Variants in TTBK1 observed in about 807,000 individuals in gnomAD.
TTBK1 encodes the protein tau tubulin kinase 1, also known as tau-tubulin kinase 1.
Under a neutral mutation model 108.5 loss-of-function variants are expected in TTBK1, and 34 were observed. The ratio of observed to expected loss-of-function variants is 0.31; its 90% CI spans 0.24 to 0.42. TTBK1 has a LOEUF of 0.42. TTBK1 is among the 10% of genes least tolerant of loss of function. TTBK1 has a pLI of 1.00. For synonymous variants in TTBK1, 809 were observed against 795.1 expected (o/e 1.02, Z -0.29); for missense variants, 1,539 against 1,826.0 (o/e 0.84, Z 2.86).
intron 13 of TTBK1, among the ~76,000 whole-genome samples, chr6:43,280,399 G>C (rs1278656889): frequency 6.6e-6 from 1 of 152,222 alleles, no homozygotes; most frequent in Non-Finnish European, 1.5e-5. Flanking sequence ...GTGGGAGGTA[G>C]GGGTGGGAGA....
At chr6:43,272,131 T>C in intron 13 of TTBK1, 2 of 985,420 alleles carry the variant, frequency 2.0e-6, no homozygotes, top group Non-Finnish European at 2.4e-6. Flanking sequence ...CCCCAGGTAG[T>C]GGCAGGAGGT....
chr6:43,284,239 C>T lies in TTBK1; in HGVS notation c.3499C>T (p.Pro1167Ser). 6.3e-7 allele frequency: 1 copy of T among 1,596,524 alleles called. No individual in the cohort carries two copies. Among genetic ancestry groups the T allele is most frequent in the Non-Finnish European group, 8.5e-7 (1 of 1,178,418 alleles). ...CCCCATTGGCCTCCGCATGCCCATG[C>T]CTGTTGCAGCCCAGCAGCCCGCCAG... The part of the protein sequence containing the change: ...PRPIGLRMPM[P>S]VAAQQPASRS... The change falls in exon 14 of 15, where the codon CCT (proline) becomes TCT (serine). Residue 1167 changes from proline to serine, a missense_variant. Pro to Ser is a moderately conservative substitution (Grantham distance 74). Coordinates refer to ENST00000259750, the MANE Select transcript of TTBK1 (RefSeq NM_032538.3).
chr6:43,266,907 C>T (rs1004430296), intron 13 of TTBK1, among the ~76,000 whole-genome samples: 4 of 152,158 alleles, frequency 2.6e-5, no homozygotes, highest in Admixed American at 2.0e-4. Flanking sequence ...TGAGCCATCG[C>T]GCCCAGCCTG....
At position 43,283,783 on chromosome 6, in the gene TTBK1, C is replaced by T. The variant is rs374780204; in HGVS notation, c.3043C>T (p.Pro1015Ser). The change falls in exon 14 of 15, where the codon CCC becomes TCC. Residue 1015 changes from proline (P) to serine (S), a missense_variant. Physicochemically the swap from Pro to Ser is moderately conservative, Grantham distance 74. This residue lies in a region of TTBK1 where 1,055 missense variants were observed against 1,086.5 expected (regional missense o/e 0.97). Coordinates refer to ENST00000259750, the MANE Select transcript of TTBK1 (RefSeq NM_032538.3). This position sits in a 1 kb window ranked among gnomAD's most constrained non-coding sequence, Gnocchi z 8.1. ...CTCAGAGATGGCCACAAACTCACTGCCCAATGGCCCGGCCCTTGCAGACGG... is the reference window on the plus strand; with the variant it reads ...CTCAGAGATGGCCACAAACTCACTGTCCAATGGCCCGGCCCTTGCAGACGG... ...TPSEMATNSL[P>S]NGPALADGPA... 6.2e-7 allele frequency: 1 copy of T among 1,613,604 alleles called. No individual in the cohort carries two copies. The highest frequency in any genetic ancestry group is 1.3e-5 in the African/African-American group (1 of 74,920).
chr6:43,252,915 G>A (rs367991580), intron 3 of TTBK1, 29 bp downstream of exon 3: 3 of 1,611,020 alleles, frequency 1.9e-6, no homozygotes, highest in African/African-American at 2.7e-5. Flanking sequence ...GGGATGGGAA[G>A]GAAGAGATGA....
At position 43,253,569 on chromosome 6, in the gene TTBK1, G is replaced by A; in HGVS notation, c.332G>A (p.Gly111Asp). The A allele has an allele frequency of 1.2e-5, 19 of 1,606,938 alleles. No individual in the cohort carries two copies. Among genetic ancestry groups the A allele is most frequent in the Non-Finnish European group, 1.6e-5 (19 of 1,176,938 alleles). ...CCCCCCACCTCCACCCCCATGCAGG[G>A]CCGGAACCTGGCCGACCTGCGCCGT... is the stretch of plus-strand genomic sequence containing the variant. The part of the protein sequence containing the change: ...KFNYVVMQLQ[G>D]RNLADLRRSQ... The change falls in exon 5 of 15, where the codon GGC becomes GAC. Residue 111 changes from glycine to aspartate, a missense_variant and splice_region_variant. Physicochemically the swap from Gly to Asp is moderately conservative, Grantham distance 94. Transcript: ENST00000259750. This position sits in a 1 kb window ranked among gnomAD's most constrained non-coding sequence, Gnocchi z 5.8.
chr6:43,281,172 G>A (rs1420974350), intron 13 of TTBK1, among the ~76,000 whole-genome samples: 1 of 152,008 alleles, frequency 6.6e-6, no homozygotes, highest in Non-Finnish European at 1.5e-5. Context: ...TCAGGAGTTT[G>A]AGACCAGCCT....
intron 13 of TTBK1, among the ~76,000 whole-genome samples, chr6:43,268,995 C>T (rs897062614): frequency 7.3e-5 from 11 of 151,392 alleles, no homozygotes; most frequent in African/African-American, 2.7e-4. Flanking sequence ...CATTATGACC[C>T]CCATTTTACA....
chr6:43,274,806 C>T (rs1777920504), intron 13 of TTBK1, among the ~76,000 whole-genome samples: 1 of 152,138 alleles, frequency 6.6e-6, no homozygotes, highest in Admixed American at 6.5e-5. Flanking sequence ...CCTCTGGTTC[C>T]CCACACACCA....
chr6:43,248,505 T>C (rs1227719890), intron 2 of TTBK1, among the ~76,000 whole-genome samples: 1 of 152,120 alleles, frequency 6.6e-6, no homozygotes, highest in Non-Finnish European at 1.5e-5. Flanking sequence ...GGAGGATCAC[T>C]TGGGGTCACG....
At chr6:43,249,634 T>C (rs1303594179) in intron 2 of TTBK1, among the ~76,000 whole-genome samples, 1 of 152,072 alleles carries the variant, frequency 6.6e-6, no homozygotes, top group Non-Finnish European at 1.5e-5. Context: ...TCGAGTGCAG[T>C]GATGAGATCT....
At chr6:43,252,934 G>C (rs768945918) in intron 3 of TTBK1, 48 bp downstream of exon 3, 1 of 1,601,584 alleles carries the variant, frequency 6.2e-7, no homozygotes, top group South Asian at 1.1e-5. Context: ...GATGAAGCCA[G>C]GGGCTAAGAG....
chr6:43,258,431 G>T (rs1777434947), intron 10 of TTBK1, among the ~76,000 whole-genome samples: 1 of 152,078 alleles, frequency 6.6e-6, no homozygotes, highest in African/African-American at 2.4e-5. Flanking sequence ...GTTAGAAGGG[G>T]CTCTCCACCC....
rs184666748 is a variant in TTBK1 at position 43,255,974 on chromosome 6, C to G, written c.861+118C>G. The G allele has an allele frequency of 1.7e-5, 22 of 1,311,478 alleles. No homozygotes were observed. In the East Asian group the frequency reaches 4.4e-4, roughly 26 times the overall value. 81.2% of individuals were successfully genotyped at this position (1,311,478 alleles called of 1,614,324 possible). A position where few individuals can be genotyped will look rare whatever the true frequency, so the allele number is the denominator to read the frequency against. On this transcript the variant is annotated intron_variant, in intron 9 of 14. Coordinates refer to ENST00000259750, the MANE Select transcript of TTBK1 (RefSeq NM_032538.3). Reference sequence around the variant, plus strand: ...CCTGCCTTGTCCCCAAGCCTCTCCCCTTGGTCTTCTAACTGCACTAAAGGC... The same window carrying G: ...CCTGCCTTGTCCCCAAGCCTCTCCCGTTGGTCTTCTAACTGCACTAAAGGC...
rs1777370726 is a variant in TTBK1 at position 43,255,980 on chromosome 6, C to G, written c.861+124C>G. On this transcript the variant is annotated intron_variant, in intron 9 of 14. Transcript: ENST00000259750. ...TTGTCCCCAAGCCTCTCCCCTTGGT[C>G]TTCTAACTGCACTAAAGGCATGTAT... 3 of 1,198,724 alleles carry G rather than the reference C, an allele frequency of 2.5e-6. No homozygotes were observed. In the African/African-American group the frequency reaches 4.5e-5, roughly 18 times the overall value. 74.3% of individuals were successfully genotyped at this position (1,198,724 alleles called of 1,614,324 possible). A position where few individuals can be genotyped will look rare whatever the true frequency, so the allele number is the denominator to read the frequency against.
At position 43,287,629 on chromosome 6, in the gene TTBK1, C is replaced by T. The variant is rs1471220153; in HGVS notation, c.*2253C>T. ...GAGAGGTGGGGGAGGGAAAGTGGGCCAGTGGGGAGGGGGTCACCTAGGGGA... is the reference window on the plus strand; with the variant it reads ...GAGAGGTGGGGGAGGGAAAGTGGGCTAGTGGGGAGGGGGTCACCTAGGGGA... On this transcript the variant is annotated 3_prime_UTR_variant, in exon 15 of 15. Transcript: ENST00000259750. The surrounding 1 kb of genome is among the most constrained non-coding windows in gnomAD (Gnocchi z 4.1). 1 of 152,100 alleles carries T rather than the reference C, an allele frequency of 6.6e-6. No individual in the cohort carries two copies. Among genetic ancestry groups the T allele is most frequent in the African/African-American group, 2.4e-5 (1 of 41,342 alleles). 9.4% of individuals were successfully genotyped at this position (152,100 alleles called of 1,614,324 possible).
rs1325147210 is a variant in TTBK1 at position 43,253,200 on chromosome 6, C to T, written c.257-91C>T. 7.1e-7 allele frequency: 1 copy of T among 1,405,910 alleles called. No homozygotes were observed. Among genetic ancestry groups the T allele is most frequent in the Non-Finnish European group, 1.0e-6 (1 of 992,456 alleles). The allele number at this position is 1,405,910 out of a possible 1,614,324, so 87.1% of individuals were successfully genotyped here. On this transcript the variant is annotated intron_variant, in intron 3 of 14. Coordinates refer to ENST00000259750, the MANE Select transcript of TTBK1 (RefSeq NM_032538.3). The surrounding 1 kb of genome is among the most constrained non-coding windows in gnomAD (Gnocchi z 5.8). ...CTCACAGGGCCAGCACTGGAGGGAC[C>T]AGGAATCAAGAGTGCACTAGGAACC... is the stretch of plus-strand genomic sequence containing the variant.
chr6:43,264,916 A>T lies in TTBK1; in HGVS notation c.1986+1566A>T, dbSNP rs555920344. 1.1e-4 allele frequency among the ~76,000 whole-genome samples: 16 copies of T among 152,136 alleles called. No homozygotes were observed. In the South Asian group the frequency reaches 3.3e-3, roughly 32 times the overall value. On this transcript the variant is annotated intron_variant, in intron 13 of 14. Coordinates refer to ENST00000259750, the MANE Select transcript of TTBK1 (RefSeq NM_032538.3). ...ACTCCTTGTGTGGGAGGACTGAGGA[A>T]CAAGGCTGGAAGGGCAGGGAGGGGC... is the stretch of plus-strand genomic sequence containing the variant.
chr6:43,255,957 G>T (rs987154363), intron 9 of TTBK1, 101 bp downstream of exon 9: 28 of 1,471,464 alleles, frequency 1.9e-5, no homozygotes, highest in Non-Finnish European at 2.3e-5. Context: ...GCCCTGCCTT[G>T]TCCCCAAGCC....
Sources: gnomAD v4.1 joint callset for allele counts (sites outside exome capture counted in the v4.1 genomes callset) on GRCh38, gnomAD v4.1.1 for gene constraint, gnomAD v4.1.1 regional missense constraint, Gnocchi (gnomAD v3.1) non-coding constraint, MANE v1.5 for transcripts, NCBI Gene and HGNC (gene_info 2026-07-23, HGNC 2026-07-21) for gene names.